Variants in GSK3B observed in about 807,000 individuals in gnomAD.
GSK3B encodes the protein glycogen synthase kinase-3 beta.
A neutral mutation model predicts 56.4 loss-of-function variants in GSK3B; 15 were observed. The ratio of observed to expected loss-of-function variants is 0.27; its 90% CI spans 0.18 to 0.41. The LOEUF (loss-of-function observed/expected upper bound fraction) is 0.41, where lower values mean the gene tolerates loss of function less well. Ranked by LOEUF, GSK3B falls within the 10% of genes least tolerant of loss-of-function variation. The probability of loss-of-function intolerance (pLI) is 1.00; values close to 1 mark genes in which losing one functional copy is unlikely to be tolerated. For synonymous variants in GSK3B, 181 were observed against 188.9 expected, an observed-to-expected ratio of 0.96 and a Z score of 0.34; for missense variants, 300 against 513.4, an observed-to-expected ratio of 0.58 and a Z score of 4.02.
At chr3:120,058,722 T>A (rs1361453004) in intron 1 of GSK3B, among the ~76,000 whole-genome samples, 1 of 152,048 alleles carries the variant, frequency 6.6e-6, no homozygotes, top group Non-Finnish European at 1.5e-5. Context: ...GTCAAAAGAA[T>A]AATGTGGCTA....
intron 9 of GSK3B, among the ~76,000 whole-genome samples, chr3:119,844,181 A>C (rs1465931680): frequency 6.6e-6 from 1 of 152,138 alleles, no homozygotes; most frequent in East Asian, 1.9e-4. Context: ...GCAGTGTTTA[A>C]AGGGAAATTT....
Position 119,967,355 on chromosome 3 carries a change from C to T in GSK3B, c.283-20004G>A, listed in dbSNP as rs530253578. On this transcript the variant is annotated intron_variant, in intron 2 of 10. Coordinates refer to ENST00000264235, the MANE Select transcript of GSK3B (RefSeq NM_001146156.2). ...CCTCCCAAGGTGCTGGGATTACCGG[C>T]GTGAGCCACTGCGCCTGGCCAGCTA... 5.5e-4 allele frequency among the ~76,000 whole-genome samples: 83 copies of T among 152,140 alleles called. 2 individuals are homozygous for T. The South Asian group carries it at 0.016, about 29-fold the overall frequency.
At chr3:119,917,241 C>G (rs2056790119) in intron 4 of GSK3B, among the ~76,000 whole-genome samples, 2 of 152,058 alleles carry the variant, frequency 1.3e-5, no homozygotes, top group African/African-American at 4.8e-5. Context: ...AACATGAAAC[C>G]TACTTTCATT....
intron 9 of GSK3B, among the ~76,000 whole-genome samples, chr3:119,848,868 C>A (rs934867897): frequency 6.6e-6 from 1 of 152,038 alleles, no homozygotes; most frequent in African/African-American, 2.4e-5. Context: ...AAAATTTAGT[C>A]CAGCTCATCA....
At chr3:119,935,805 A>G (rs2056988130) in intron 3 of GSK3B, among the ~76,000 whole-genome samples, 1 of 152,222 alleles carries the variant, frequency 6.6e-6, no homozygotes, top group Admixed American at 6.5e-5. Context: ...CAAAAACAAA[A>G]TAAAACTACT....
intron 10 of GSK3B, among the ~76,000 whole-genome samples, chr3:119,827,923 G>C (rs908021615): frequency 2.6e-5 from 4 of 151,824 alleles, no homozygotes; most frequent in Non-Finnish European, 5.9e-5. Context: ...GGTGACTACA[G>C]TACAAAAATA....
At chr3:120,067,236 CA>C (rs58967403) in intron 1 of GSK3B, among the ~76,000 whole-genome samples, 65,373 of 122,650 alleles carry the variant, frequency 0.53, 16,486 homozygotes, top group African/African-American at 0.72. Context: ...ACTGTAACAT[CA>C]AAAAAAAAAA....
At chr3:119,870,458 C>A (rs995116787) in intron 8 of GSK3B, among the ~76,000 whole-genome samples, 1 of 151,918 alleles carries the variant, frequency 6.6e-6, no homozygotes, top group Non-Finnish European at 1.5e-5. Context: ...TCAAATCCAC[C>A]CCAACCTCAT....
intron 2 of GSK3B, among the ~76,000 whole-genome samples, chr3:119,989,764 A>G (rs1395687708): frequency 6.6e-6 from 1 of 152,078 alleles, no homozygotes; most frequent in Admixed American, 6.6e-5. Flanking sequence ...TTCTAATAAT[A>G]TGCCTGGGAC....
At chr3:120,033,057 C>G (rs1203884680) in intron 1 of GSK3B, among the ~76,000 whole-genome samples, 2 of 152,192 alleles carry the variant, frequency 1.3e-5, no homozygotes, top group Admixed American at 6.5e-5. Flanking sequence ...TACTTTCTGT[C>G]TACAGATTTG....
In GSK3B at chr3:120,063,532, G is replaced by A. The variant is rs573479715; in HGVS notation, c.88+29815C>T. Among the ~76,000 whole-genome samples the A allele has an allele frequency of 1.1e-4, 16 of 152,100 alleles. No homozygotes were observed. The South Asian group carries it at 3.1e-3, about 30-fold the overall frequency. On this transcript the variant is annotated intron_variant, in intron 1 of 10. Coordinates refer to ENST00000264235, the MANE Select transcript of GSK3B (RefSeq NM_001146156.2). Reference sequence around the variant, plus strand: ...ACCTGAGGTCAGGAGGTAGAGACCAGCCTGGCCAACATGGTGAAACCCTGT... The same window carrying A: ...ACCTGAGGTCAGGAGGTAGAGACCAACCTGGCCAACATGGTGAAACCCTGT...
At chr3:119,919,565 C>T (rs2056817277) in intron 4 of GSK3B, among the ~76,000 whole-genome samples, 1 of 151,242 alleles carries the variant, frequency 6.6e-6, no homozygotes, top group African/African-American at 2.4e-5. Context: ...ATCCCTTTTC[C>T]CACAAGGGGG....
chr3:119,886,704 A>G (rs1000812896), intron 7 of GSK3B, among the ~76,000 whole-genome samples: 2 of 152,142 alleles, frequency 1.3e-5, no homozygotes, highest in African/African-American at 2.4e-5. Flanking sequence ...AAAAAAAATT[A>G]CGTCCTTTGC....
intron 9 of GSK3B, among the ~76,000 whole-genome samples, chr3:119,847,441 T>C (rs1315523309): frequency 1.3e-5 from 2 of 151,994 alleles, no homozygotes; most frequent in Non-Finnish European, 2.9e-5. Context: ...GACCGTGCCA[T>C]TGCACTTCAG....
chr3:120,085,875 G>C (rs2058459617), intron 1 of GSK3B, among the ~76,000 whole-genome samples: 1 of 151,792 alleles, frequency 6.6e-6, no homozygotes, highest in African/African-American at 2.4e-5. Context: ...ATTTAAATAA[G>C]ATACCTTTCC....
chr3:119,965,833 G>C (rs1444367543), intron 2 of GSK3B, among the ~76,000 whole-genome samples: 7 of 151,650 alleles, frequency 4.6e-5, no homozygotes, highest in African/African-American at 1.4e-4. Context: ...GCATTACCAA[G>C]AGTTGGGTAG....
chr3:119,841,726 A>T (rs1297917365), intron 10 of GSK3B, among the ~76,000 whole-genome samples: 2 of 152,222 alleles, frequency 1.3e-5, no homozygotes, highest in Non-Finnish European at 2.9e-5. Context: ...GGGAAAATGA[A>T]TAAGACACTA....
At chr3:120,008,183 G>C (rs918170151) in intron 1 of GSK3B, among the ~76,000 whole-genome samples, 1 of 152,074 alleles carries the variant, frequency 6.6e-6, no homozygotes, top group Non-Finnish European at 1.5e-5. Context: ...GGGATGTGAA[G>C]GACTTCTTCA....
intron 2 of GSK3B, among the ~76,000 whole-genome samples, chr3:119,973,279 TTCA>T (rs2057383839): frequency 6.6e-6 from 1 of 152,198 alleles, no homozygotes; most frequent in South Asian, 2.1e-4. Flanking sequence ...TAATAAACTA[TTCA>T]TAAATTTTAA....
Sources: allele counts gnomAD v4.1 joint callset (sites outside exome capture counted in the v4.1 genomes callset), GRCh38; gene constraint gnomAD v4.1.1; transcripts MANE v1.5; gene names NCBI Gene and HGNC (gene_info 2026-07-23, HGNC 2026-07-21).